The following CRADD variants were observed in gnomAD, a reference collection of about 807,000 sequenced individuals.
CRADD encodes the protein CARD and death domain containing adaptor protein.
A neutral mutation model predicts 15.5 loss-of-function variants in CRADD; 9 were observed. That is an observed-to-expected ratio of 0.58 (90% CI 0.35 to 1.01). CRADD has a LOEUF of 1.01. Among genes scored for constraint, CRADD ranks in the 50% least tolerant of loss-of-function variants. The pLI, the probability that CRADD is intolerant of heterozygous loss-of-function variation, is 0.02. For missense variants in CRADD, 227 were observed against 250.3 expected, an observed-to-expected ratio of 0.91 and a Z score of 0.63; for synonymous variants, 118 against 107.6, an observed-to-expected ratio of 1.10 and a Z score of -0.60.
In CRADD at chr12:93,706,954, A is replaced by G. The variant is rs186851288; in HGVS notation, c.298+27882A>G. On this transcript the variant is annotated intron_variant, in intron 2 of 2. Transcript: ENST00000332896. ...GTGAAAAAATATGTATAATTTGGCC[A>G]ATAGCCTAATTCTGTGACCTCTACA... is the stretch of plus-strand genomic sequence containing the variant. Among the ~76,000 whole-genome samples, 19 of 152,296 alleles carry G rather than the reference A, an allele frequency of 1.2e-4. No individual in the cohort carries two copies. The East Asian group carries it at 3.3e-3, about 26-fold the overall frequency.
At chr12:93,691,903 T>TGG (rs1235000592) in intron 2 of CRADD, among the ~76,000 whole-genome samples, 1 of 152,166 alleles carries the variant, frequency 6.6e-6, no homozygotes, top group Non-Finnish European at 1.5e-5. Context: ...ATAGAAATTC[T>TGG]GGAGCTGAAT....
intron 2 of CRADD, among the ~76,000 whole-genome samples, chr12:93,793,500 A>G (rs2136987911): frequency 6.6e-6 from 1 of 152,278 alleles, no homozygotes; most frequent in Admixed American, 6.5e-5. Context: ...AAGGAAGAAT[A>G]CAGTTCATAC....
At chr12:93,693,621 G>A (rs1172355032) in intron 2 of CRADD, among the ~76,000 whole-genome samples, 1 of 151,896 alleles carries the variant, frequency 6.6e-6, no homozygotes, top group African/African-American at 2.4e-5. Context: ...TCTGAAGGGG[G>A]AGACAGACTA....
intron 2 of CRADD, among the ~76,000 whole-genome samples, chr12:93,803,552 CTG>C (rs1957499314): frequency 6.6e-6 from 1 of 152,128 alleles, no homozygotes; most frequent in Non-Finnish European, 1.5e-5. Context: ...TTAAAAAAAA[CTG>C]TGAGTGCCCT....
At chr12:93,851,460 T>G (rs925942460), downstream of CRADD, among the ~76,000 whole-genome samples, 9 of 152,190 alleles carry the variant, frequency 5.9e-5, no homozygotes, top group African/African-American at 2.2e-4. Context: ...ATTGGCAGAA[T>G]GGGGAAATGA....
At chr12:93,811,721 G>T (rs1234039651) in intron 2 of CRADD, among the ~76,000 whole-genome samples, 2 of 152,186 alleles carry the variant, frequency 1.3e-5, no homozygotes, top group African/African-American at 4.8e-5. Context: ...TTGGGAGACA[G>T]TTTGGCAGTT....
chr12:93,837,025 T>C (rs972883818), intron 2 of CRADD, among the ~76,000 whole-genome samples: 7 of 152,066 alleles, frequency 4.6e-5, no homozygotes, highest in South Asian at 2.1e-4. Flanking sequence ...TGAGAAGTTA[T>C]ATTTGGTGAA....
intron 2 of CRADD, among the ~76,000 whole-genome samples, chr12:93,886,252 C>T (rs759753160): frequency 2.6e-5 from 4 of 151,084 alleles, no homozygotes; most frequent in Non-Finnish European, 4.4e-5. Context: ...GCAACCTCCA[C>T]CTCCTGGGCT....
chr12:93,686,523 A>G (rs1955446156), intron 2 of CRADD, among the ~76,000 whole-genome samples: 1 of 152,158 alleles, frequency 6.6e-6, no homozygotes, highest in African/African-American at 2.4e-5. Flanking sequence ...TGCTCTTTCA[A>G]TTTATGCCCA....
chr12:93,746,849 G>A (rs931775648), intron 2 of CRADD, among the ~76,000 whole-genome samples: 3 of 151,254 alleles, frequency 2.0e-5, no homozygotes, highest in Non-Finnish European at 2.9e-5. Context: ...ATAGCAGTGT[G>A]GTCTGGAGCA....
chr12:93,771,213 A>G (rs1957082025), intron 2 of CRADD, among the ~76,000 whole-genome samples: 1 of 152,046 alleles, frequency 6.6e-6, no homozygotes, highest in Non-Finnish European at 1.5e-5. Flanking sequence ...CTTGGAATTG[A>G]CTCCTGAAAC....
chr12:93,821,435 G>C (rs982333265), intron 2 of CRADD, among the ~76,000 whole-genome samples: 16 of 152,182 alleles, frequency 1.1e-4, no homozygotes, highest in Non-Finnish European at 2.4e-4. Context: ...ACATCTGATG[G>C]CTTCTGACTC....
At chr12:93,798,829 A>G (rs1957447758) in intron 2 of CRADD, among the ~76,000 whole-genome samples, 1 of 152,192 alleles carries the variant, frequency 6.6e-6, no homozygotes, top group South Asian at 2.1e-4. Context: ...GAGTCCGAGG[A>G]AAGCAGGCCA....
At chr12:93,892,130 C>T (rs1958580394) in intron 2 of CRADD, among the ~76,000 whole-genome samples, 1 of 152,160 alleles carries the variant, frequency 6.6e-6, no homozygotes, top group Non-Finnish European at 1.5e-5. Flanking sequence ...CTTCTGTCTC[C>T]AAATCCAGGG....
At chr12:93,750,767 T>C (rs1026793297) in intron 2 of CRADD, among the ~76,000 whole-genome samples, 3 of 152,230 alleles carry the variant, frequency 2.0e-5, no homozygotes, top group Non-Finnish European at 2.9e-5. Context: ...GTAAAGTCTT[T>C]AGACATGAAT....
intron 2 of CRADD, among the ~76,000 whole-genome samples, chr12:93,833,871 C>T (rs1285947667): frequency 1.3e-5 from 2 of 152,038 alleles, no homozygotes; most frequent in African/African-American, 4.8e-5. Context: ...GCTGTTCACC[C>T]AGTTTTCTTC....
chr12:93,701,801 T>C (rs1349098686), intron 2 of CRADD, among the ~76,000 whole-genome samples: 3 of 152,200 alleles, frequency 2.0e-5, no homozygotes, highest in Non-Finnish European at 4.4e-5. Context: ...GATGTTGTAA[T>C]GTCTTTTCAG....
In CRADD at chr12:93,850,635, G is replaced by A; in HGVS notation, c.*364G>A. ...TCATGTCATCACATTACAGGCAGGT[G>A]TCTCATATGTAAAACATTTACCTGA... is the stretch of plus-strand genomic sequence containing the variant. On this transcript the variant is annotated 3_prime_UTR_variant, in exon 3 of 3. Coordinates refer to ENST00000332896, the MANE Select transcript of CRADD (RefSeq NM_003805.5). The surrounding 1 kb of genome is among the most constrained non-coding windows in gnomAD (Gnocchi z 4.0). The A allele has an allele frequency of 1.1e-6, 1 of 944,520 alleles. No individual in the cohort carries two copies. The highest frequency in any genetic ancestry group is 1.3e-6 in the Non-Finnish European group (1 of 792,168). The allele number at this position is 944,520 out of a possible 1,614,324, so 58.5% of individuals were successfully genotyped here.
At chr12:93,739,333 GAT>G (rs10559578) in intron 2 of CRADD, among the ~76,000 whole-genome samples, 143,161 of 150,342 alleles carry the variant, frequency 0.95, 68,180 homozygotes, top group East Asian at 1. Flanking sequence ...ATCTTAACAG[GAT>G]ATATATATAT....
Sources: allele counts gnomAD v4.1 joint callset (sites outside exome capture counted in the v4.1 genomes callset), GRCh38; gene constraint gnomAD v4.1.1; non-coding constraint Gnocchi (gnomAD v3.1); transcripts MANE v1.5; gene names NCBI Gene and HGNC (gene_info 2026-07-23, HGNC 2026-07-21).